Variants in NRF1 observed in about 807,000 individuals in gnomAD.
NRF1 encodes the protein nuclear respiratory factor 1, also known as alpha palindromic-binding protein.
A neutral mutation model predicts 58.5 loss-of-function variants in NRF1; 5 were observed. The ratio of observed to expected loss-of-function variants is 0.09; its 90% CI spans 0.04 to 0.18. The LOEUF (loss-of-function observed/expected upper bound fraction) is 0.18, where lower values mean the gene tolerates loss of function less well. Among genes scored for constraint, NRF1 ranks in the 10% least tolerant of loss-of-function variants. The pLI is 1.00. For synonymous variants in NRF1, 224 were observed against 246.7 expected (o/e 0.91, Z 0.86); for missense variants, 288 against 657.7 (o/e 0.44, Z 6.15).
At chr7:129,739,140 A>G (rs1365764690) in intron 10 of NRF1, among the ~76,000 whole-genome samples, 2 of 152,282 alleles carry the variant, frequency 1.3e-5, no homozygotes, top group Non-Finnish European at 2.9e-5. Context: ...ACTGTCCAGT[A>G]TGATAGCTGT....
chr7:129,669,071 C>G (rs78705229), intron 2 of NRF1, among the ~76,000 whole-genome samples: 1 of 152,134 alleles, frequency 6.6e-6, no homozygotes, highest in Non-Finnish European at 1.5e-5. Context: ...CCTCAGTCTC[C>G]TGAGTAGCTG....
At chr7:129,653,574 A>G (rs1342373660) in intron 1 of NRF1, among the ~76,000 whole-genome samples, 1 of 152,200 alleles carries the variant, frequency 6.6e-6, no homozygotes, top group South Asian at 2.1e-4. Flanking sequence ...TGTATAACCC[A>G]TATCCACCAT....
At chr7:129,720,463 G>A (rs1803296711) in intron 9 of NRF1, among the ~76,000 whole-genome samples, 1 of 152,166 alleles carries the variant, frequency 6.6e-6, no homozygotes, top group Non-Finnish European at 1.5e-5. Context: ...AATACACAGA[G>A]AAATCTGGTC....
At chr7:129,671,388 C>T (rs746361707) in intron 2 of NRF1, 41 bp from the exon 3 acceptor site, 3 of 1,282,780 alleles carry the variant, frequency 2.3e-6, no homozygotes, top group Non-Finnish European at 3.4e-6. Flanking sequence ...GAACAGTTTA[C>T]AGGCAGCTGC....
chr7:129,685,881 G>A (rs1802432920), intron 4 of NRF1, among the ~76,000 whole-genome samples: 1 of 151,756 alleles, frequency 6.6e-6, no homozygotes, highest in Admixed American at 6.6e-5. Context: ...GGTCTAGGTG[G>A]GCAGATCACT....
chr7:129,626,911 A>G (rs140134043), intron 1 of NRF1, among the ~76,000 whole-genome samples: 139 of 152,360 alleles, frequency 9.1e-4, no homozygotes, highest in Admixed American at 3.6e-3. Context: ...TTTCATATCT[A>G]CTAGTAGTTT....
chr7:129,632,394 T>C (rs1801069434), intron 1 of NRF1, among the ~76,000 whole-genome samples: 1 of 152,202 alleles, frequency 6.6e-6, no homozygotes, highest in Non-Finnish European at 1.5e-5. Flanking sequence ...ATGACTACAG[T>C]AGTTGCCACT....
At chr7:129,614,900 A>T (rs1280296749) in intron 1 of NRF1, among the ~76,000 whole-genome samples, 1 of 152,208 alleles carries the variant, frequency 6.6e-6, no homozygotes, top group African/African-American at 2.4e-5. Flanking sequence ...TGTAGGTTCA[A>T]CCAAATCTCT....
At chr7:129,688,737 T>A (rs1163891103) in intron 4 of NRF1, among the ~76,000 whole-genome samples, 1 of 151,728 alleles carries the variant, frequency 6.6e-6, no homozygotes, top group Non-Finnish European at 1.5e-5. Flanking sequence ...GGAATGCCGG[T>A]GGAACTGCCA....
chr7:129,671,722 C>T (rs1398246214), intron 3 of NRF1, among the ~76,000 whole-genome samples, 179 bp downstream of exon 3: 2 of 152,186 alleles, frequency 1.3e-5, no homozygotes, highest in African/African-American at 2.4e-5. Flanking sequence ...TACGATTTAA[C>T]AGATACGTAA....
chr7:129,624,392 G>A (rs1307135727), intron 1 of NRF1, among the ~76,000 whole-genome samples: 2 of 152,310 alleles, frequency 1.3e-5, no homozygotes, highest in South Asian at 2.1e-4. Flanking sequence ...ATAGCAAGCA[G>A]TATTTATTTG....
At chr7:129,745,211 T>C (rs1432889736) in intron 10 of NRF1, among the ~76,000 whole-genome samples, 1 of 152,138 alleles carries the variant, frequency 6.6e-6, no homozygotes, top group Non-Finnish European at 1.5e-5. Flanking sequence ...TGATCTATCC[T>C]CTGGGACACA....
intron 4 of NRF1, among the ~76,000 whole-genome samples, chr7:129,682,610 C>T (rs1226391180): frequency 4.0e-5 from 6 of 148,606 alleles, no homozygotes; most frequent in Non-Finnish European, 5.9e-5. Context: ...ATAGTGAGAC[C>T]CTGTCTCTGC....
chr7:129,736,990 T>A (rs1803730501), intron 10 of NRF1, among the ~76,000 whole-genome samples: 1 of 152,240 alleles, frequency 6.6e-6, no homozygotes, highest in African/African-American at 2.4e-5. Context: ...AAGGAAGTTG[T>A]GAGCATTAAA....
chr7:129,733,466 A>AG (rs1262482097), intron 10 of NRF1, among the ~76,000 whole-genome samples: 1 of 25,452 alleles, frequency 3.9e-5, no homozygotes, highest in African/African-American at 7.7e-5. Context: ...ACTCCGTCTC[A>AG]AAAAAAAAAA....
intron 5 of NRF1, among the ~76,000 whole-genome samples, chr7:129,697,517 C>T (rs1243741524): frequency 4.0e-5 from 6 of 149,184 alleles, no homozygotes; most frequent in Non-Finnish European, 8.9e-5. Flanking sequence ...CACTGCACTC[C>T]AGCTTGGGCG....
chr7:129,713,083 G>A (rs1803111704), intron 8 of NRF1, among the ~76,000 whole-genome samples: 2 of 147,170 alleles, frequency 1.4e-5, no homozygotes, highest in African/African-American at 5.0e-5. Context: ...CATTAATGGA[G>A]TTGCGTTTCC....
intron 1 of NRF1, among the ~76,000 whole-genome samples, chr7:129,641,418 A>G (rs1027425473): frequency 5.9e-5 from 9 of 152,064 alleles, no homozygotes; most frequent in Non-Finnish European, 1.2e-4. Flanking sequence ...CCCTCTTTTT[A>G]TATTCTACCT....
At chr7:129,751,593 C>G (rs1325220792) in intron 10 of NRF1, among the ~76,000 whole-genome samples, 1 of 152,264 alleles carries the variant, frequency 6.6e-6, no homozygotes, top group African/African-American at 2.4e-5. Flanking sequence ...CACACCAGCC[C>G]TAACCCAGAT....
Sources: allele counts gnomAD v4.1 joint callset (sites outside exome capture counted in the v4.1 genomes callset), GRCh38; gene constraint gnomAD v4.1.1; transcripts MANE v1.5; gene names NCBI Gene and HGNC (gene_info 2026-07-23, HGNC 2026-07-21).